Variants in CRY1 observed in about 807,000 individuals in gnomAD.
The protein encoded by CRY1 is cryptochrome-1.
A neutral mutation model predicts 76.0 loss-of-function variants in CRY1; 45 were observed. That is an observed-to-expected ratio of 0.59 (90% CI 0.47 to 0.76). CRY1 has a LOEUF of 0.76. Among genes scored for constraint, CRY1 ranks in the 30% least tolerant of loss-of-function variants. CRY1 has a pLI of 0.00. For missense variants in CRY1, 587 were observed against 716.4 expected, an observed-to-expected ratio of 0.82 and a Z score of 2.06; for synonymous variants, 248 against 244.0, an observed-to-expected ratio of 1.02 and a Z score of -0.15.
chr12:107,001,249 A>C (rs1952306007), intron 5 of CRY1, 31 bp downstream of exon 5: 2 of 1,492,410 alleles, frequency 1.3e-6, no homozygotes, highest in African/African-American at 1.4e-5. Context: ...TTGGAAATAC[A>C]AGCATAGCTA....
intron 3 of CRY1, 44 bp downstream of exon 3, chr12:107,005,062 T>C (rs544343352): frequency 4.5e-6 from 7 of 1,563,688 alleles, no homozygotes; most frequent in African/African-American, 1.4e-5. Context: ...GTAAATATTA[T>C]GTTATACGCA....
intron 2 of CRY1, among the ~76,000 whole-genome samples, chr12:107,021,850 C>T (rs577821080): frequency 1.3e-5 from 2 of 152,048 alleles, no homozygotes; most frequent in African/African-American, 4.8e-5. Flanking sequence ...TCTGGGAGGG[C>T]AACGAGCAGT....
intron 1 of CRY1, among the ~76,000 whole-genome samples, chr12:107,077,537 G>T (rs1157650065): frequency 2.6e-5 from 4 of 152,134 alleles, no homozygotes; most frequent in African/African-American, 9.7e-5. Context: ...ACTTACTTCA[G>T]TCTGTCATTC....
intron 1 of CRY1, among the ~76,000 whole-genome samples, chr12:107,088,355 T>A (rs1275796256): frequency 6.6e-6 from 1 of 152,240 alleles, no homozygotes; most frequent in Non-Finnish European, 1.5e-5. Context: ...AAAAGCTTTC[T>A]GAGGTCCTCA....
chr12:107,067,011 T>C (rs1287500623), intron 1 of CRY1, among the ~76,000 whole-genome samples: 3 of 152,126 alleles, frequency 2.0e-5, no homozygotes, highest in Admixed American at 2.0e-4. Context: ...AGTCTCACTA[T>C]GTTGCCCAGG....
intron 10 of CRY1, among the ~76,000 whole-genome samples, chr12:106,994,874 G>C (rs769169394): frequency 2.0e-5 from 3 of 152,224 alleles, no homozygotes; most frequent in Admixed American, 6.5e-5. Context: ...AAGAACTTTT[G>C]AAATGATTAT....
intron 3 of CRY1, among the ~76,000 whole-genome samples, chr12:107,003,946 C>T (rs1242144962): frequency 6.6e-6 from 1 of 151,300 alleles, no homozygotes; most frequent in African/African-American, 2.4e-5. Context: ...AGCTGGATTA[C>T]AGGCACCCGC....
intron 1 of CRY1, among the ~76,000 whole-genome samples, chr12:107,064,388 C>T (rs564109731): frequency 6.6e-6 from 1 of 152,304 alleles, no homozygotes; most frequent in Admixed American, 6.5e-5. Flanking sequence ...ATTAAAACCA[C>T]AATGAGATGC....
At chr12:107,068,545 T>C (rs1008098831) in intron 1 of CRY1, among the ~76,000 whole-genome samples, 1 of 152,050 alleles carries the variant, frequency 6.6e-6, no homozygotes, top group Non-Finnish European at 1.5e-5. Flanking sequence ...TGATCCACCC[T>C]TGTCAGCCTC....
chr12:107,020,451 G>A (rs761399707), intron 2 of CRY1, among the ~76,000 whole-genome samples: 10 of 152,134 alleles, frequency 6.6e-5, no homozygotes, highest in Non-Finnish European at 8.8e-5. Flanking sequence ...AGTGGAGCCT[G>A]GTGGGAGGTG....
chr12:107,025,829 G>A (rs1048276392), intron 1 of CRY1, among the ~76,000 whole-genome samples: 43 of 151,468 alleles, frequency 2.8e-4, no homozygotes, highest in Admixed American at 4.0e-4. Context: ...ACTAACCTAG[G>A]GTTCTAGGTT....
chr12:107,068,332 C>T (rs1953137489), intron 1 of CRY1, among the ~76,000 whole-genome samples: 1 of 152,164 alleles, frequency 6.6e-6, no homozygotes, highest in South Asian at 2.1e-4. Context: ...GCGTCTCACT[C>T]TTTTGCCCAG....
rs1952602577 is a variant in CRY1, at chr12:107,025,874, A to G, written c.159-3682T>C. ...CCTCATACCCCTTTCTCTCACACCA[A>G]ACCAAACTTCTCTTTCAGCACACAT... On this transcript the variant is annotated intron_variant, in intron 1 of 12. Transcript: ENST00000008527. Among the ~76,000 whole-genome samples the G allele has an allele frequency of 1.3e-5, 2 of 151,140 alleles. 1 individual carries two copies. Among genetic ancestry groups the G allele is most frequent in the South Asian group, 4.2e-4 (2 of 4,806 alleles).
chr12:107,029,606 C>CAAAA (rs35485801), intron 1 of CRY1, among the ~76,000 whole-genome samples: 2 of 112,254 alleles, frequency 1.8e-5, no homozygotes, highest in East Asian at 2.5e-4. Context: ...GGTCTTGCCT[C>CAAAA]AAAAAAAAAA....
intron 4 of CRY1, among the ~76,000 whole-genome samples, 183 bp from the exon 5 acceptor site, chr12:107,001,551 T>A (rs1156812940): frequency 6.6e-6 from 1 of 152,226 alleles, no homozygotes; most frequent in Non-Finnish European, 1.5e-5. Context: ...AGGATGTACA[T>A]CTTAAGGTGG....
chr12:107,069,676 T>A (rs1459498629), intron 1 of CRY1, among the ~76,000 whole-genome samples: 2 of 142,910 alleles, frequency 1.4e-5, no homozygotes, highest in African/African-American at 5.1e-5. Flanking sequence ...AGTATATATA[T>A]ATAAAGTATA....
intron 2 of CRY1, among the ~76,000 whole-genome samples, chr12:107,009,556 A>AGAAC (rs1555275526): frequency 4.5e-5 from 2 of 44,604 alleles, no homozygotes; most frequent in Non-Finnish European, 1.0e-4. Flanking sequence ...ACAAAAAAAC[A>AGAAC]AAAAAACATA....
intron 1 of CRY1, among the ~76,000 whole-genome samples, chr12:107,027,227 C>A (rs957409300): frequency 2.0e-5 from 3 of 152,058 alleles, no homozygotes; most frequent in African/African-American, 7.2e-5. Context: ...ACACCAAGTT[C>A]AACTTTAATG....
At chr12:107,054,650 GAAAAAA>G (rs112933503) in intron 1 of CRY1, among the ~76,000 whole-genome samples, 2 of 98,852 alleles carry the variant, frequency 2.0e-5, no homozygotes, top group Non-Finnish European at 4.4e-5. Flanking sequence ...CAGAAAGTTT[GAAAAAA>G]AAAAAAAGGG....
Sources: gnomAD v4.1 joint callset for allele counts (sites outside exome capture counted in the v4.1 genomes callset) on GRCh38, gnomAD v4.1.1 for gene constraint, MANE v1.5 for transcripts, NCBI Gene and HGNC (gene_info 2026-07-23, HGNC 2026-07-21) for gene names.